YAP1: variants seen among roughly 807,000 people sequenced by gnomAD.
YAP1 encodes transcriptional coactivator YAP1.
Under a neutral mutation model 56.9 loss-of-function variants are expected in YAP1, and 5 were observed. That is an observed-to-expected ratio of 0.09 (90% CI 0.05 to 0.18). The LOEUF (loss-of-function observed/expected upper bound fraction) is 0.18. YAP1 is among the 10% of genes least tolerant of loss of function. The pLI is 1.00. For missense variants in YAP1, 539 were observed against 651.8 expected (o/e 0.83, Z 1.88); for synonymous variants, 265 against 248.1 (o/e 1.07, Z -0.64).
chr11:102,223,270 A>G (rs12787825), intron 6 of YAP1, among the ~76,000 whole-genome samples: 42,902 of 147,714 alleles, frequency 0.29, 5,790 homozygotes, highest in East Asian at 0.34. Flanking sequence ...AAAAAAAAAA[A>G]AAGAAGAATT....
At position 102,205,983 on chromosome 11, in the gene YAP1, G is replaced by A. The variant is rs776957600; in HGVS notation, c.893G>A (p.Ser298Asn). 1 of 1,613,772 alleles carries A rather than the reference G, an allele frequency of 6.2e-7. No homozygotes were observed. Among genetic ancestry groups the A allele is most frequent in the East Asian group, 2.2e-5 (1 of 44,870 alleles). ...CCACAGGGAGGCGTCATGGGTGGCA[G>A]CAACTCCAACCAGCAGCAACAGATG... is the stretch of plus-strand genomic sequence containing the variant. ...QSPQGGVMGG[S>N]NSNQQQQMRL... Residue 298 changes from serine to asparagine, a missense_variant, in exon 5 of 9, where the codon AGC (serine) becomes AAC (asparagine). By Grantham distance (46) the Ser-to-Asn change is conservative (BLOSUM62 1). Around this residue, in one of 4 missense-constraint regions of YAP1, gnomAD observed 414 missense variants for 512.4 expected, o/e 0.81. Coordinates refer to ENST00000282441, the MANE Select transcript of YAP1 (RefSeq NM_001130145.3).
At chr11:102,202,795 A>G (rs1424799423) in intron 4 of YAP1, among the ~76,000 whole-genome samples, 2 of 152,192 alleles carry the variant, frequency 1.3e-5, no homozygotes, top group East Asian at 3.8e-4. Flanking sequence ...TAAGTTTACC[A>G]CATCTGCACC....
At chr11:102,145,647 AT>A (rs1222153438) in intron 2 of YAP1, among the ~76,000 whole-genome samples, 2 of 152,230 alleles carry the variant, frequency 1.3e-5, no homozygotes, top group East Asian at 3.8e-4. Context: ...GAATTAGGTT[AT>A]TTGTGAGGCA....
chr11:102,196,820 T>C (rs73583907), intron 4 of YAP1, among the ~76,000 whole-genome samples: 1,621 of 152,296 alleles, frequency 0.011, 34 homozygotes, highest in African/African-American at 0.038. Context: ...ACCTTTTGTA[T>C]ATTGATCATA....
intron 4 of YAP1, among the ~76,000 whole-genome samples, chr11:102,203,138 A>AT (rs1296165820): frequency 2.0e-5 from 3 of 152,190 alleles, no homozygotes; most frequent in Non-Finnish European, 4.4e-5. Flanking sequence ...CAAAACACAG[A>AT]TTGCTGGCTT....
chr11:102,211,520 G>A (rs1241711780), intron 6 of YAP1, among the ~76,000 whole-genome samples: 1 of 152,086 alleles, frequency 6.6e-6, no homozygotes, highest in Non-Finnish European at 1.5e-5. Flanking sequence ...TATTTACCTG[G>A]CATAATTGTG....
chr11:102,211,765 G>A (rs1038356910), intron 6 of YAP1, among the ~76,000 whole-genome samples: 18 of 151,644 alleles, frequency 1.2e-4, no homozygotes, highest in East Asian at 3.9e-4. Context: ...GTGCAGTGGC[G>A]CAATCTCAGC....
Position 102,151,510 on chromosome 11 carries a change from C to G in YAP1, c.573-10946C>G, listed in dbSNP as rs185150342. Among the ~76,000 whole-genome samples the G allele has an allele frequency of 9.2e-5, 14 of 152,244 alleles. No individual in the cohort carries two copies. In the East Asian group the frequency reaches 2.7e-3, roughly 29 times the overall value. On this transcript the variant is annotated intron_variant, in intron 2 of 8. Transcript: ENST00000282441. ...TAAACACCCTAAACCTTTTTCTATC[C>G]TCTATCATTTTATATTCATTTATAG... is the stretch of plus-strand genomic sequence containing the variant.
chr11:102,188,350 T>C (rs901409157), intron 4 of YAP1, among the ~76,000 whole-genome samples: 3 of 152,192 alleles, frequency 2.0e-5, no homozygotes, highest in Admixed American at 6.5e-5. Flanking sequence ...GAATGGGAGC[T>C]AAGCCCCTAG....
At chr11:102,217,682 T>A (rs959620617) in intron 6 of YAP1, among the ~76,000 whole-genome samples, 57 of 151,968 alleles carry the variant, frequency 3.8e-4, no homozygotes, top group African/African-American at 1.4e-3. Context: ...GGGAGAAAAT[T>A]TTGAGGATGA....
In YAP1 at chr11:102,211,581, T is replaced by TAGCTC. The variant is rs367865390; in HGVS notation, c.1032+2019_1032+2020insCTCAG. Among the ~76,000 whole-genome samples the TAGCTC allele has an allele frequency of 5.7e-3, 874 of 152,340 alleles. 5 individuals carry two copies. Among genetic ancestry groups the TAGCTC allele is most frequent in the African/African-American group, 0.02 (812 of 41,584 alleles). On this transcript the variant is annotated intron_variant, in intron 6 of 8. Coordinates refer to ENST00000282441, the MANE Select transcript of YAP1 (RefSeq NM_001130145.3). ...TTCAAGTATAGGGTTATATTTGAAA[T>TAGCTC]AGATCAAGAAATCTGGTGGTATTTG...
intron 7 of YAP1, among the ~76,000 whole-genome samples, chr11:102,224,593 G>T (rs1950100846): frequency 6.6e-6 from 1 of 152,120 alleles, no homozygotes; most frequent in South Asian, 2.1e-4. Flanking sequence ...CTCACCAATT[G>T]AATTGGAAAC....
intron 4 of YAP1, among the ~76,000 whole-genome samples, chr11:102,204,544 C>T (rs938658205): frequency 1.3e-5 from 2 of 152,116 alleles, no homozygotes; most frequent in African/African-American, 4.8e-5. Flanking sequence ...GAAGAAAATT[C>T]TTAATGTATA....
intron 6 of YAP1, among the ~76,000 whole-genome samples, chr11:102,214,326 C>T (rs1305361465): frequency 1.3e-5 from 2 of 152,114 alleles, no homozygotes. Context: ...ACACCAAGGT[C>T]AGTCCCTGGT....
In YAP1 at chr11:102,112,425, C is replaced by CTTTTTTTTTTTTTTTT. The variant is rs751339753; in HGVS notation, c.321+1262_321+1277dup. 8.5e-6 allele frequency: 6 copies of CTTTTTTTTTTTTTTTT among 704,130 alleles called. No individual in the cohort carries two copies. In the African/African-American group the frequency reaches 1.0e-4, roughly 12 times the overall value. The allele number at this position is 704,130 out of a possible 1,614,324, so 43.6% of individuals were successfully genotyped here. A position where few individuals can be genotyped will look rare whatever the true frequency, so the allele number is the denominator to read the frequency against. On this transcript the variant is annotated intron_variant, in intron 1 of 8. Coordinates refer to ENST00000282441, the MANE Select transcript of YAP1 (RefSeq NM_001130145.3). ...TTTTCTTTCTTTTTTATTTCTTCTT[C>CTTTTTTTTTTTTTTTT]TTTTTTTTTTTTTTTTTTTTTGAGA...
intron 2 of YAP1, among the ~76,000 whole-genome samples, chr11:102,131,142 T>A (rs1944348377): frequency 1.3e-5 from 2 of 152,130 alleles, no homozygotes; most frequent in Non-Finnish European, 2.9e-5. Context: ...ACCCACATGG[T>A]TCGGGATAAA....
intron 3 of YAP1, among the ~76,000 whole-genome samples, chr11:102,167,388 A>C (rs948953375): frequency 6.6e-6 from 1 of 152,244 alleles, no homozygotes; most frequent in African/African-American, 2.4e-5. Context: ...GTATAAATAT[A>C]TGTATAAATA....
chr11:102,227,530 G>A lies in YAP1; in HGVS notation c.1225G>A (p.Val409Ile). 1 of 1,614,026 alleles carries A rather than the reference G, an allele frequency of 6.2e-7. No individual in the cohort carries two copies. The highest frequency in any genetic ancestry group is 8.5e-7 in the Non-Finnish European group (1 of 1,180,004). ...DSGLSMSSYS[V>I]PRTPDDFLNS... ...TGGACTAAGCATGAGCAGCTACAGT[G>A]TCCCTCGAACCCCAGATGACTTCCT... Residue 409 changes from valine (V) to isoleucine (I), a missense_variant, in exon 8 of 9, where the codon GTC becomes ATC. By Grantham distance (29) the Val-to-Ile change is conservative. Around this residue, in one of 4 missense-constraint regions of YAP1, gnomAD observed 414 missense variants for 512.4 expected, o/e 0.81. Transcript: ENST00000282441.
intron 2 of YAP1, among the ~76,000 whole-genome samples, chr11:102,137,748 C>CT (rs5794157): frequency 8.7e-4 from 122 of 140,028 alleles, no homozygotes; most frequent in East Asian, 3.5e-3. Flanking sequence ...GAGTCATTGA[C>CT]TTTTTTTTTT....
Sources: gnomAD v4.1 joint callset for allele counts (sites outside exome capture counted in the v4.1 genomes callset) on GRCh38, gnomAD v4.1.1 for gene constraint, gnomAD v4.1.1 regional missense constraint, MANE v1.5 for transcripts, NCBI Gene and HGNC (gene_info 2026-07-23, HGNC 2026-07-21) for gene names.